The following KDM5A variants were observed in gnomAD, a reference collection of about 807,000 sequenced individuals.
KDM5A encodes lysine demethylase 5A.
In KDM5A, 42 loss-of-function variants were observed where a neutral mutation model predicts 193.5. The observed-to-expected ratio is 0.22, with a 90% CI of 0.17 to 0.28. The LOEUF (loss-of-function observed/expected upper bound fraction) is 0.28, where lower values mean the gene tolerates loss of function less well. Among genes scored for constraint, KDM5A ranks in the 10% least tolerant of loss-of-function variants. The pLI is 1.00. For synonymous variants in KDM5A, 796 were observed against 718.1 expected (o/e 1.11, Z -1.73); for missense variants, 1,692 against 2,055.1 (o/e 0.82, Z 3.42).
At position 280,756 on chromosome 12, in the gene KDM5A, G is replaced by A. The variant is rs1943146845; in HGVS notation, c.*4700C>T. ...GGGATAAACTTCTCAAGAACCAAAAGTGAGGAAATGTGTTGGTCATCACTG... is the reference window on the plus strand; with the variant it reads ...GGGATAAACTTCTCAAGAACCAAAAATGAGGAAATGTGTTGGTCATCACTG... On this transcript the variant is annotated 3_prime_UTR_variant, in exon 28 of 28. Coordinates refer to ENST00000399788, the MANE Select transcript of KDM5A (RefSeq NM_001042603.3). 4.3e-6 allele frequency: 1 copy of A among 232,888 alleles called. No individual in the cohort carries two copies. The highest frequency in any genetic ancestry group is 1.8e-4 in the South Asian group (1 of 5,526). 14.4% of individuals were successfully genotyped at this position (232,888 alleles called of 1,614,324 possible).
At chr12:359,530 T>A (rs1591930865) in intron 5 of KDM5A, among the ~76,000 whole-genome samples, 2 of 151,952 alleles carry the variant, frequency 1.3e-5, no homozygotes, top group East Asian at 3.9e-4. Context: ...GGCAGGCAGA[T>A]CACTCGAGCC....
intron 14 of KDM5A, among the ~76,000 whole-genome samples, chr12:327,878 G>T (rs2137417685): frequency 6.6e-6 from 1 of 152,258 alleles, no homozygotes; most frequent in South Asian, 2.1e-4. Flanking sequence ...GACAGACATG[G>T]TAACACACAC....
intron 7 of KDM5A, 126 bp downstream of exon 7, chr12:355,032 G>C (rs962201000): frequency 1.1e-5 from 8 of 723,054 alleles, no homozygotes; most frequent in African/African-American, 1.1e-4. Context: ...TAACTTCACA[G>C]ATGTGCCATC....
chr12:365,975 G>C lies in KDM5A; in HGVS notation c.496C>G (p.Leu166Val). ...SLLKSHYERI[L>V]YPYELFQSGV... ...GACTGGAAAAGCTCATATGGGTAGA[G>C]AATTCTTTCATAATGTGACTTCAAA... The change falls in exon 4 of 28, where the codon CTC becomes GTC. Residue 166 changes from leucine (L) to valine (V), a missense_variant. Leu to Val is a conservative substitution (Grantham distance 32, BLOSUM62 1). Coordinates refer to ENST00000399788, the MANE Select transcript of KDM5A (RefSeq NM_001042603.3). 6.2e-7 allele frequency: 1 copy of C among 1,614,050 alleles called. No individual in the cohort carries two copies. The highest frequency in any genetic ancestry group is 8.5e-7 in the Non-Finnish European group (1 of 1,179,912).
chr12:328,754 G>A (rs554638243), intron 14 of KDM5A, 81 bp downstream of exon 14: 347 of 1,234,506 alleles, frequency 2.8e-4, no homozygotes, highest in Non-Finnish European at 4.0e-4. Flanking sequence ...AGGGGATAAG[G>A]GATGAAAATT....
At chr12:301,785 A>G (rs1424328608) in intron 24 of KDM5A, among the ~76,000 whole-genome samples, 2 of 152,108 alleles carry the variant, frequency 1.3e-5, no homozygotes, top group Non-Finnish European at 2.9e-5. Flanking sequence ...CCATCATCTC[A>G]GCCCAAAATC....
chr12:328,697 A>G, intron 14 of KDM5A, 138 bp downstream of exon 14: 1 of 757,208 alleles, frequency 1.3e-6, no homozygotes, highest in Non-Finnish European at 2.1e-6. Context: ...GTCAATTATA[A>G]AAATATAAAA....
At chr12:327,717 A>T (rs770065455) in intron 14 of KDM5A, among the ~76,000 whole-genome samples, 1 of 152,110 alleles carries the variant, frequency 6.6e-6, no homozygotes, top group Non-Finnish European at 1.5e-5. Context: ...CAAAAACAAC[A>T]AAAAGAGAAC....
At position 280,437 on chromosome 12, in the gene KDM5A, G is replaced by A. The variant is rs918204479; in HGVS notation, c.*5019C>T. On this transcript the variant is annotated 3_prime_UTR_variant, in exon 28 of 28. Coordinates refer to ENST00000399788, the MANE Select transcript of KDM5A (RefSeq NM_001042603.3). Reference sequence around the variant, plus strand: ...TGGCAAGAAAATTATTTCCCAAGAGGTAATCAGATTCCCCTCCCTGCCCCC... The same window carrying A: ...TGGCAAGAAAATTATTTCCCAAGAGATAATCAGATTCCCCTCCCTGCCCCC... 12 of 232,756 alleles carry A rather than the reference G, an allele frequency of 5.2e-5. No homozygotes were observed. Among genetic ancestry groups the A allele is most frequent in the African/African-American group, 2.7e-4 (12 of 45,234 alleles). The allele number at this position is 232,756 out of a possible 1,614,324, so 14.4% of individuals were successfully genotyped here.
At chr12:382,726 G>C (rs1043151146) in intron 3 of KDM5A, among the ~76,000 whole-genome samples, 1 of 152,136 alleles carries the variant, frequency 6.6e-6, no homozygotes, top group Admixed American at 6.5e-5. Context: ...GAGGTCAGAA[G>C]TTCGAGACCA....
chr12:350,500 T>C lies in KDM5A; in HGVS notation c.1308+121A>G, dbSNP rs763960255. On this transcript the variant is annotated intron_variant, in intron 10 of 27. Transcript: ENST00000399788. ...AATTCTTCGTTTTCAAAACTGAAGA[T>C]TATTTATACTGCCAAATCCTACGTA... 3.2e-6 allele frequency: 3 copies of C among 939,948 alleles called. No individual in the cohort carries two copies. The South Asian group carries it at 4.2e-5, about 13-fold the overall frequency. 58.2% of individuals were successfully genotyped at this position (939,948 alleles called of 1,614,324 possible).
intron 10 of KDM5A, among the ~76,000 whole-genome samples, chr12:339,407 G>C (rs755680419): frequency 1.3e-5 from 2 of 151,974 alleles, no homozygotes; most frequent in Admixed American, 6.6e-5. Flanking sequence ...TGTCATAAAT[G>C]GGTTCTCTCC....
At chr12:375,579 A>G (rs1402793190) in intron 3 of KDM5A, among the ~76,000 whole-genome samples, 4 of 152,210 alleles carry the variant, frequency 2.6e-5, no homozygotes, top group African/African-American at 4.8e-5. Flanking sequence ...TCAACTCATC[A>G]AAGTCATTCT....
chr12:328,597 T>C (rs1160615278), intron 14 of KDM5A, among the ~76,000 whole-genome samples: 1 of 152,164 alleles, frequency 6.6e-6, no homozygotes, highest in Non-Finnish European at 1.5e-5. Flanking sequence ...AAAATGTAAA[T>C]ATATACCTAA....
chr12:362,672 A>G (rs928838980), intron 5 of KDM5A, among the ~76,000 whole-genome samples: 1 of 152,222 alleles, frequency 6.6e-6, no homozygotes, highest in Non-Finnish European at 1.5e-5. Flanking sequence ...ACATTTCACA[A>G]TTTATTCTCC....
chr12:342,788 A>C (rs969540802), intron 10 of KDM5A, among the ~76,000 whole-genome samples: 3 of 151,964 alleles, frequency 2.0e-5, no homozygotes, highest in South Asian at 2.1e-4. Flanking sequence ...AAAAAAAAAA[A>C]AAAAACCTGG....
chr12:333,904 G>A (rs1051543718), intron 11 of KDM5A, among the ~76,000 whole-genome samples: 14 of 152,098 alleles, frequency 9.2e-5, no homozygotes, highest in Admixed American at 4.6e-4. Context: ...TCTGTAAGGC[G>A]GATCAGTGAA....
intron 14 of KDM5A, 101 bp from the exon 15 acceptor site, chr12:323,882 A>T: frequency 2.2e-6 from 2 of 909,570 alleles, no homozygotes; most frequent in Admixed American, 3.6e-5. Context: ...TCTCTGACTT[A>T]AAGGTATAAA....
chr12:284,638 CTTTTT>C lies in KDM5A; in HGVS notation c.*813_*817del, dbSNP rs199915159. The stretch of plus-strand genomic sequence containing the variant: ...CTGGTCATCATCGTCATCTTCTTCT[CTTTTT>C]TTTTTTGGCAGAAGCCTGGATCCAT... On this transcript the variant is annotated 3_prime_UTR_variant, in exon 28 of 28. Transcript: ENST00000399788. 1 of 177,876 alleles carries C rather than the reference CTTTTT, an allele frequency of 5.6e-6. No homozygotes were observed. Among genetic ancestry groups the C allele is most frequent in the Non-Finnish European group, 1.2e-5 (1 of 85,320 alleles). The allele number at this position is 177,876 out of a possible 1,614,324, so 11.0% of individuals were successfully genotyped here.
Sources: allele counts gnomAD v4.1 joint callset (sites outside exome capture counted in the v4.1 genomes callset), GRCh38; gene constraint gnomAD v4.1.1; transcripts MANE v1.5; gene names NCBI Gene and HGNC (gene_info 2026-07-23, HGNC 2026-07-21).